Variants in NELL1 observed in about 807,000 individuals in gnomAD.
The protein encoded by NELL1 is neural EGFL like 1, also known as protein kinase C-binding protein NELL1.
In NELL1, 76 loss-of-function variants were observed where a neutral mutation model predicts 107.4. The ratio of observed to expected loss-of-function variants is 0.71; its 90% CI spans 0.59 to 0.86. The LOEUF (loss-of-function observed/expected upper bound fraction) is 0.86, where lower values mean the gene tolerates loss of function less well. Among genes scored for constraint, NELL1 ranks in the 40% least tolerant of loss-of-function variants. The pLI is 0.00. For missense variants in NELL1, 1,024 were observed against 1,005.5 expected (o/e 1.02, Z -0.25); for synonymous variants, 353 against 341.2 (o/e 1.03, Z -0.38).
chr11:21,295,542 CA>C (rs1468733975), intron 14 of NELL1, among the ~76,000 whole-genome samples: 5 of 152,026 alleles, frequency 3.3e-5, no homozygotes, highest in African/African-American at 4.8e-5. Flanking sequence ...AAGAATTTTG[CA>C]AGTAAGAAGA....
chr11:20,781,104 A>G (rs1856841641), intron 2 of NELL1, among the ~76,000 whole-genome samples: 1 of 152,198 alleles, frequency 6.6e-6, no homozygotes, highest in Non-Finnish European at 1.5e-5. Flanking sequence ...GAAGTGCCCT[A>G]GGGAGCAATG....
At chr11:21,431,273 T>A (rs757709350) in intron 15 of NELL1, among the ~76,000 whole-genome samples, 2 of 152,146 alleles carry the variant, frequency 1.3e-5, no homozygotes, top group Non-Finnish European at 2.9e-5. Flanking sequence ...ACACCCACGA[T>A]CTGCAAGACC....
At chr11:20,978,909 A>T (rs998484522) in intron 12 of NELL1, among the ~76,000 whole-genome samples, 1 of 152,062 alleles carries the variant, frequency 6.6e-6, no homozygotes, top group Non-Finnish European at 1.5e-5. Flanking sequence ...TATTATCAAC[A>T]TTATTGATGC....
intron 15 of NELL1, among the ~76,000 whole-genome samples, chr11:21,433,389 A>G (rs1853019332): frequency 6.6e-6 from 1 of 152,202 alleles, no homozygotes; most frequent in Non-Finnish European, 1.5e-5. Context: ...CTTTGGATAA[A>G]TACCCAGTAT....
chr11:20,709,123 T>C (rs1317770972), intron 2 of NELL1, among the ~76,000 whole-genome samples: 1 of 152,080 alleles, frequency 6.6e-6, no homozygotes, highest in East Asian at 1.9e-4. Flanking sequence ...GGGGACCCCT[T>C]GTCTCGAAGA....
chr11:21,414,149 A>C (rs1224548988), intron 15 of NELL1, among the ~76,000 whole-genome samples: 1 of 152,030 alleles, frequency 6.6e-6, no homozygotes, highest in Non-Finnish European at 1.5e-5. Context: ...TACAGGTGAA[A>C]GATGTAGTAG....
chr11:20,848,329 G>C (rs1848737796), intron 4 of NELL1, among the ~76,000 whole-genome samples: 2 of 152,178 alleles, frequency 1.3e-5, no homozygotes, highest in Non-Finnish European at 2.9e-5. Flanking sequence ...TGGGACCAGG[G>C]GGTTTCACAG....
intron 12 of NELL1, among the ~76,000 whole-genome samples, chr11:20,976,952 A>T (rs951002314): frequency 3.4e-5 from 5 of 147,030 alleles, no homozygotes; most frequent in Admixed American, 6.8e-5. Context: ...CTGTGTGCAA[A>T]TTTTTTTTTT....
chr11:21,297,486 A>G (rs1849399305), intron 14 of NELL1, among the ~76,000 whole-genome samples: 1 of 152,100 alleles, frequency 6.6e-6, no homozygotes, highest in South Asian at 2.1e-4. Flanking sequence ...CTCTGGATTC[A>G]TCCTTTTCCA....
At chr11:21,191,179 G>T (rs1857041248) in intron 13 of NELL1, among the ~76,000 whole-genome samples, 1 of 151,754 alleles carries the variant, frequency 6.6e-6, no homozygotes, top group South Asian at 2.1e-4. Flanking sequence ...ATGGAATTAA[G>T]GTTGCTAATC....
chr11:21,486,093 G>A (rs2133907380), intron 15 of NELL1, among the ~76,000 whole-genome samples: 1 of 152,092 alleles, frequency 6.6e-6, no homozygotes, highest in Middle Eastern at 3.4e-3. Context: ...TAGACCAGGG[G>A]CCCTAAAACC....
intron 15 of NELL1, among the ~76,000 whole-genome samples, chr11:21,512,073 G>A (rs1239347262): frequency 6.6e-6 from 1 of 152,214 alleles, no homozygotes; most frequent in East Asian, 1.9e-4. Context: ...TCAATGGCAT[G>A]TTGAGAACAC....
chr11:20,935,150 C>G (rs995611593), intron 9 of NELL1, among the ~76,000 whole-genome samples: 1 of 152,144 alleles, frequency 6.6e-6, no homozygotes, highest in African/African-American at 2.4e-5. Flanking sequence ...TCCCTACCCT[C>G]ATGGGGGTTG....
intron 16 of NELL1, among the ~76,000 whole-genome samples, chr11:21,549,574 T>C (rs1459824691): frequency 2.0e-5 from 3 of 151,866 alleles, no homozygotes; most frequent in African/African-American, 7.2e-5. Flanking sequence ...CAACATTTGC[T>C]GAAAAGTGAA....
intron 14 of NELL1, among the ~76,000 whole-genome samples, chr11:21,273,014 A>G (rs1029163919): frequency 5.3e-5 from 8 of 152,246 alleles, no homozygotes; most frequent in Non-Finnish European, 5.9e-5. Context: ...CTCCAAAGGA[A>G]TGCAGCTCCT....
At chr11:21,087,515 G>T (rs1239025653) in intron 12 of NELL1, among the ~76,000 whole-genome samples, 2 of 152,128 alleles carry the variant, frequency 1.3e-5, no homozygotes, top group African/African-American at 4.8e-5. Flanking sequence ...ATGTGAATGA[G>T]AAATTATTAT....
At chr11:21,351,896 C>A (rs116984312) in intron 14 of NELL1, among the ~76,000 whole-genome samples, 1 of 152,094 alleles carries the variant, frequency 6.6e-6, no homozygotes, top group Non-Finnish European at 1.5e-5. Context: ...TTCTTAATTG[C>A]GTTCAGAACA....
chr11:21,031,917 T>C (rs1429422426), intron 12 of NELL1, among the ~76,000 whole-genome samples: 1 of 151,858 alleles, frequency 6.6e-6, no homozygotes, highest in Non-Finnish European at 1.5e-5. Flanking sequence ...TTGTGGTGCA[T>C]GCCTGTAGTT....
chr11:20,812,207 T>C (rs545120303), intron 3 of NELL1, among the ~76,000 whole-genome samples: 2 of 152,354 alleles, frequency 1.3e-5, no homozygotes, highest in African/African-American at 2.4e-5. Context: ...TATTTTTTTT[T>C]CCTCCATTCT....
Sources: gnomAD v4.1 joint callset for allele counts (sites outside exome capture counted in the v4.1 genomes callset) on GRCh38, gnomAD v4.1.1 for gene constraint, MANE v1.5 for transcripts, NCBI Gene and HGNC (gene_info 2026-07-23, HGNC 2026-07-21) for gene names.